ADGRL3: variants seen among roughly 807,000 people sequenced by gnomAD.
ADGRL3 encodes the protein adhesion G protein-coupled receptor L3, also known as calcium-independent alpha-latrotoxin receptor 3.
ADGRL3 carries 62 observed loss-of-function variants against 153.5 expected under a neutral mutation model. That is an observed-to-expected ratio of 0.40 (90% confidence interval 0.33 to 0.50). The LOEUF is 0.50. Ranked by LOEUF, ADGRL3 falls within the 20% of genes least tolerant of loss-of-function variation. The pLI, the probability that ADGRL3 is intolerant of heterozygous loss-of-function variation, is 0.47. For synonymous variants in ADGRL3, 710 were observed against 672.5 expected (o/e 1.06, Z -0.86); for missense variants, 1,641 against 1,859.4 (o/e 0.88, Z 2.16).
At chr4:61,600,459 A>T (rs1263793925) in intron 5 of ADGRL3, among the ~76,000 whole-genome samples, 3 of 152,112 alleles carry the variant, frequency 2.0e-5, no homozygotes, top group African/African-American at 4.8e-5. Context: ...TACTCCTCAG[A>T]TACTTATGCG....
intron 8 of ADGRL3, among the ~76,000 whole-genome samples, chr4:61,785,163 G>A (rs1302437666): frequency 6.6e-6 from 1 of 152,082 alleles, no homozygotes; most frequent in Non-Finnish European, 1.5e-5. Flanking sequence ...GACATAGAAG[G>A]TAGTTTGAAA....
At chr4:61,561,729 A>G (rs1382057442) in intron 4 of ADGRL3, among the ~76,000 whole-genome samples, 1 of 152,262 alleles carries the variant, frequency 6.6e-6, no homozygotes, top group East Asian at 1.9e-4. Context: ...TATAACCTAT[A>G]AATCTCATAA....
chr4:61,210,392 T>C (rs961968570), intron 1 of ADGRL3, among the ~76,000 whole-genome samples: 4 of 152,110 alleles, frequency 2.6e-5, no homozygotes, highest in African/African-American at 9.7e-5. Context: ...GGCTCCACAG[T>C]AGCCTGAGCC....
intron 6 of ADGRL3, among the ~76,000 whole-genome samples, chr4:61,724,891 T>C (rs59597619): frequency 0.23 from 34,687 of 152,132 alleles, 4,207 homozygotes; most frequent in East Asian, 0.4. Flanking sequence ...AGCACAGGTT[T>C]GTTTCCAGTT....
chr4:61,254,682 A>G (rs1215347416), intron 1 of ADGRL3, among the ~76,000 whole-genome samples: 1 of 152,142 alleles, frequency 6.6e-6, no homozygotes, highest in Non-Finnish European at 1.5e-5. Context: ...GATTTTGACA[A>G]AAGATCCTCA....
chr4:61,999,122 A>G (rs537493981), intron 21 of ADGRL3, among the ~76,000 whole-genome samples: 42 of 152,334 alleles, frequency 2.8e-4, no homozygotes, highest in African/African-American at 9.1e-4. Flanking sequence ...GTAATATAAA[A>G]ATATGGCTCT....
At chr4:61,323,752 T>C (rs1378851349) in intron 1 of ADGRL3, among the ~76,000 whole-genome samples, 2 of 152,208 alleles carry the variant, frequency 1.3e-5, no homozygotes, top group African/African-American at 2.4e-5. Flanking sequence ...GGTTCCAAAC[T>C]TTCCTACATT....
intron 1 of ADGRL3, among the ~76,000 whole-genome samples, chr4:61,356,467 A>C (rs2151416823): frequency 6.6e-6 from 1 of 152,236 alleles, no homozygotes. Flanking sequence ...AAAAAAAATT[A>C]GTTATCTAAT....
chr4:61,224,903 A>T (rs1454821723), intron 1 of ADGRL3, among the ~76,000 whole-genome samples: 1 of 152,146 alleles, frequency 6.6e-6, no homozygotes, highest in Non-Finnish European at 1.5e-5. Context: ...ATTCAAAAGG[A>T]GAGGGTCCTC....
intron 5 of ADGRL3, among the ~76,000 whole-genome samples, chr4:61,615,570 G>A (rs2091905135): frequency 1.0e-5 from 1 of 95,938 alleles, no homozygotes; most frequent in Non-Finnish European, 2.1e-5. Context: ...TACGTCGGTT[G>A]GAATATTGTG....
intron 2 of ADGRL3, among the ~76,000 whole-genome samples, chr4:61,452,645 A>G (rs1473621343): frequency 3.3e-5 from 5 of 152,186 alleles, no homozygotes; most frequent in South Asian, 2.1e-4. Context: ...CATAAAATAT[A>G]TAAGTCGAAT....
intron 5 of ADGRL3, among the ~76,000 whole-genome samples, chr4:61,618,559 G>A (rs1171344871): frequency 6.6e-6 from 1 of 152,122 alleles, no homozygotes. Context: ...TTTGGTTAGG[G>A]GAGGAGGGAT....
At chr4:61,711,738 G>A (rs1057293729) in intron 6 of ADGRL3, among the ~76,000 whole-genome samples, 4 of 151,826 alleles carry the variant, frequency 2.6e-5, no homozygotes. Context: ...AGTTAAGTGT[G>A]TGACTTATTT....
rs1389591793 is a variant in ADGRL3 at position 61,200,400 on chromosome 4, T to C, written c.-1605T>C. Among the ~76,000 whole-genome samples, 2 of 151,668 alleles carry C rather than the reference T, an allele frequency of 1.3e-5. No homozygotes were observed. Among genetic ancestry groups the C allele is most frequent in the Non-Finnish European group, 2.9e-5 (2 of 67,900 alleles). On this transcript the variant is annotated 5_prime_UTR_variant, in exon 1 of 27. Transcript: ENST00000683033. ...GCACGGTCCCCGCGCGCCCGCGCTC[T>C]GACCCGCTGTCTGCGCGTCGCCCCC...
intron 9 of ADGRL3, among the ~76,000 whole-genome samples, chr4:61,845,803 T>G (rs909915201): frequency 6.6e-6 from 1 of 151,994 alleles, no homozygotes; most frequent in South Asian, 2.1e-4. Flanking sequence ...TGGAGAAAAA[T>G]CAGAAATTAA....
intron 5 of ADGRL3, among the ~76,000 whole-genome samples, chr4:61,641,458 C>T (rs2093668231): frequency 7.9e-6 from 1 of 126,814 alleles, no homozygotes; most frequent in South Asian, 3.0e-4. Flanking sequence ...CACAACAGTC[C>T]TCAGAGTGTG....
intron 4 of ADGRL3, among the ~76,000 whole-genome samples, chr4:61,540,823 C>T (rs529094944): frequency 6.6e-6 from 1 of 152,122 alleles, no homozygotes; most frequent in East Asian, 1.9e-4. Context: ...TCAGGATCTA[C>T]TTTTTACTAC....
chr4:61,360,538 T>C (rs1022614646), intron 1 of ADGRL3, among the ~76,000 whole-genome samples: 4 of 152,206 alleles, frequency 2.6e-5, no homozygotes, highest in Non-Finnish European at 5.9e-5. Context: ...CATGAGGATA[T>C]GTTATTTAAT....
chr4:61,468,520 G>T (rs2097910631), intron 2 of ADGRL3, among the ~76,000 whole-genome samples: 1 of 152,114 alleles, frequency 6.6e-6, no homozygotes, highest in African/African-American at 2.4e-5. Flanking sequence ...GTTTAGATAA[G>T]ATTTCACTTT....
Sources: allele counts gnomAD v4.1 joint callset (sites outside exome capture counted in the v4.1 genomes callset), GRCh38; gene constraint gnomAD v4.1.1; transcripts MANE v1.5; gene names NCBI Gene and HGNC (gene_info 2026-07-23, HGNC 2026-07-21).